Variants in GPATCH2 observed in about 807,000 individuals in gnomAD.
GPATCH2 encodes the protein G-patch domain containing 2, also known as G patch domain-containing protein 2.
GPATCH2 carries 51 observed loss-of-function variants against 58.0 expected under a neutral mutation model. That is an observed-to-expected ratio of 0.88 (90% CI 0.70 to 1.11). The LOEUF (loss-of-function observed/expected upper bound fraction) is 1.11, where lower values mean the gene tolerates loss of function less well. Among genes scored for constraint, GPATCH2 ranks in the 50% most tolerant of loss-of-function variants. The pLI is 0.00. For missense variants in GPATCH2, 625 were observed against 652.2 expected, an observed-to-expected ratio of 0.96 and a Z score of 0.45; for synonymous variants, 222 against 218.5, an observed-to-expected ratio of 1.02 and a Z score of -0.14.
At chr1:217,510,210 C>T (rs1262727339) in intron 6 of GPATCH2, among the ~76,000 whole-genome samples, 1 of 151,872 alleles carries the variant, frequency 6.6e-6, no homozygotes, top group Non-Finnish European at 1.5e-5. Context: ...TATTCTTCAA[C>T]AAAAATTTAA....
chr1:217,543,246 T>C (rs1170560461), intron 5 of GPATCH2, among the ~76,000 whole-genome samples: 1 of 151,722 alleles, frequency 6.6e-6, no homozygotes, highest in East Asian at 1.9e-4. Context: ...GGCTACATCA[T>C]TGAAAAGCAT....
At chr1:217,523,897 G>C (rs1228612224) in intron 5 of GPATCH2, among the ~76,000 whole-genome samples, 1 of 112,600 alleles carries the variant, frequency 8.9e-6, no homozygotes, top group African/African-American at 2.9e-5. Flanking sequence ...GGCCGGGCGG[G>C]GGGCTGACCC....
At chr1:217,450,200 G>T (rs540551433) in intron 8 of GPATCH2, among the ~76,000 whole-genome samples, 1 of 152,076 alleles carries the variant, frequency 6.6e-6, no homozygotes, top group African/African-American at 2.4e-5. Flanking sequence ...GGTTGGGATA[G>T]GGCCTGGGGA....
intron 5 of GPATCH2, among the ~76,000 whole-genome samples, chr1:217,553,527 G>A (rs930987804): frequency 1.3e-5 from 2 of 151,952 alleles, no homozygotes; most frequent in Admixed American, 1.3e-4. Flanking sequence ...GTAAGAATAT[G>A]TATACTAGAT....
chr1:217,483,888 T>C (rs1661331622), intron 8 of GPATCH2, among the ~76,000 whole-genome samples: 1 of 152,228 alleles, frequency 6.6e-6, no homozygotes, highest in African/African-American at 2.4e-5. Context: ...TTTTATAAGA[T>C]ATGTGATTGC....
intron 1 of GPATCH2, among the ~76,000 whole-genome samples, chr1:217,629,712 G>A (rs1472319503): frequency 6.6e-6 from 1 of 152,132 alleles, no homozygotes; most frequent in Non-Finnish European, 1.5e-5. Flanking sequence ...TGTAAAAATT[G>A]TGCATTTCAT....
intron 5 of GPATCH2, chr1:217,609,213 C>G (rs1232473876): frequency 1.0e-6 from 1 of 982,710 alleles, no homozygotes; most frequent in African/African-American, 1.8e-5. Flanking sequence ...ATTTTCCCCC[C>G]AGTTGGTGAA....
chr1:217,571,837 G>T (rs1382320338), intron 5 of GPATCH2, among the ~76,000 whole-genome samples: 4 of 151,886 alleles, frequency 2.6e-5, no homozygotes, highest in Non-Finnish European at 5.9e-5. Flanking sequence ...AGAGATGGAG[G>T]TTGCAGTGGG....
intron 8 of GPATCH2, among the ~76,000 whole-genome samples, chr1:217,488,957 G>C (rs1450501788): frequency 1.3e-5 from 2 of 151,876 alleles, no homozygotes; most frequent in East Asian, 3.9e-4. Context: ...TGGCTTAACA[G>C]GTGTGGGCCT....
intron 5 of GPATCH2, among the ~76,000 whole-genome samples, chr1:217,561,188 A>G (rs1347247323): frequency 6.6e-6 from 1 of 152,204 alleles, no homozygotes; most frequent in African/African-American, 2.4e-5. Context: ...TCTGCAATAC[A>G]CTTGGTTTTT....
intron 8 of GPATCH2, among the ~76,000 whole-genome samples, chr1:217,466,462 C>G (rs892095727): frequency 6.6e-6 from 1 of 152,106 alleles, no homozygotes; most frequent in Admixed American, 6.6e-5. Context: ...TGGGCTCAAG[C>G]TATCCCTCTG....
chr1:217,608,596 A>C, intron 5 of GPATCH2: 1 of 985,382 alleles, frequency 1.0e-6, no homozygotes, highest in African/African-American at 1.7e-5. Context: ...TGAACCAAAA[A>C]TAAAAATAGG....
At chr1:217,533,503 C>T (rs910659534) in intron 5 of GPATCH2, among the ~76,000 whole-genome samples, 4 of 152,154 alleles carry the variant, frequency 2.6e-5, no homozygotes, top group Non-Finnish European at 5.9e-5. Flanking sequence ...CAGTGGTTTC[C>T]AGATCACACT....
intron 1 of GPATCH2, among the ~76,000 whole-genome samples, chr1:217,626,755 T>A (rs1465314934): frequency 6.6e-6 from 1 of 152,114 alleles, no homozygotes; most frequent in Non-Finnish European, 1.5e-5. Flanking sequence ...TGGGCAGGCA[T>A]TATCTTAGGA....
chr1:217,624,952 A>C (rs576750845), intron 1 of GPATCH2, among the ~76,000 whole-genome samples: 1 of 152,334 alleles, frequency 6.6e-6, no homozygotes, highest in African/African-American at 2.4e-5. Flanking sequence ...CCCAAAACAA[A>C]ATTATGGCCC....
chr1:217,550,223 T>G lies in GPATCH2; in HGVS notation c.1099-35334A>C, dbSNP rs142537641. ...TAAGCTCAGGTTCCTCTATGATTAA[T>G]AATATCTAATTTTTATAGGGCATGA... On this transcript the variant is annotated intron_variant, in intron 5 of 9. Transcript: ENST00000366935. 1.7e-3 allele frequency among the ~76,000 whole-genome samples: 260 copies of G among 152,270 alleles called. 2 individuals are homozygous for G. Among genetic ancestry groups the G allele is most frequent in the African/African-American group, 6.1e-3 (253 of 41,564 alleles).
intron 5 of GPATCH2, among the ~76,000 whole-genome samples, chr1:217,571,716 AAAAAC>A (rs1449453184): frequency 1.1e-4 from 16 of 148,430 alleles, no homozygotes; most frequent in African/African-American, 3.2e-4. Flanking sequence ...AAAAAAAAAA[AAAAAC>A]AAAAAAGAAG....
At chr1:217,440,763 A>G (rs982685660) in intron 9 of GPATCH2, among the ~76,000 whole-genome samples, 1 of 152,178 alleles carries the variant, frequency 6.6e-6, no homozygotes, top group Non-Finnish European at 1.5e-5. Context: ...CACAATTGCT[A>G]CAAAGAGAAT....
chr1:217,498,449 C>G (rs1662119762), intron 6 of GPATCH2, 54 bp from the exon 7 acceptor site: 1 of 1,336,792 alleles, frequency 7.5e-7, no homozygotes, highest in African/African-American at 1.4e-5. Context: ...AGCACGTGCT[C>G]TCACATGATC....
Sources: allele counts gnomAD v4.1 joint callset (sites outside exome capture counted in the v4.1 genomes callset), GRCh38; gene constraint gnomAD v4.1.1; transcripts MANE v1.5; gene names NCBI Gene and HGNC (gene_info 2026-07-23, HGNC 2026-07-21).